Variants in GRAMD4 observed in about 807,000 individuals in gnomAD.
GRAMD4 encodes the protein GRAM domain containing 4.
A neutral mutation model predicts 83.9 loss-of-function variants in GRAMD4; 25 were observed. That is an observed-to-expected ratio of 0.30 (90% CI 0.22 to 0.42). The LOEUF (loss-of-function observed/expected upper bound fraction) is 0.42. Among genes scored for constraint, GRAMD4 ranks in the 10% least tolerant of loss-of-function variants. GRAMD4 has a pLI of 1.00. For missense variants in GRAMD4, 593 were observed against 788.7 expected, an observed-to-expected ratio of 0.75 and a Z score of 2.97; for synonymous variants, 336 against 320.9, an observed-to-expected ratio of 1.05 and a Z score of -0.50.
In GRAMD4 at chr22:46,621,448, C is replaced by A. The variant is rs1464956641; in HGVS notation, c.-50+883C>A. Among the ~76,000 whole-genome samples, 1 of 152,174 alleles carries A rather than the reference C, an allele frequency of 6.6e-6. No homozygotes were observed. Among genetic ancestry groups the A allele is most frequent in the Non-Finnish European group, 1.5e-5 (1 of 68,022 alleles). On this transcript the variant is annotated intron_variant, in intron 1 of 18. Transcript: ENST00000406902. This position sits in a 1 kb window ranked among gnomAD's most constrained non-coding sequence, Gnocchi z 5.8. Reference sequence around the variant, plus strand: ...GGGCTGCCCATGTGGCCGTGGAGGGCACCCCTACCCCGGTGCAGGCGCAGG... The same window carrying A: ...GGGCTGCCCATGTGGCCGTGGAGGGAACCCCTACCCCGGTGCAGGCGCAGG...
rs2082374925 is a variant in GRAMD4 at position 46,664,257 on chromosome 22, C to T, written c.717+140C>T. The T allele has an allele frequency of 7.3e-6, 5 of 686,066 alleles. No individual in the cohort carries two copies. In the East Asian group the frequency reaches 1.0e-4, roughly 14 times the overall value. 42.5% of individuals were successfully genotyped at this position (686,066 alleles called of 1,614,324 possible). On this transcript the variant is annotated intron_variant, in intron 8 of 18. Coordinates refer to ENST00000406902, the MANE Select transcript of GRAMD4 (RefSeq NM_015124.5). Reference sequence around the variant, plus strand: ...GGCCCCAGGGACATGCTCATTTCTCCTTCTGTAAAGTGGGCTCACTGATGC... The same window carrying T: ...GGCCCCAGGGACATGCTCATTTCTCTTTCTGTAAAGTGGGCTCACTGATGC...
intron 3 of GRAMD4, among the ~76,000 whole-genome samples, chr22:46,643,052 C>CATCCATCT (rs2081997901): frequency 6.2e-4 from 2 of 3,206 alleles, no homozygotes; most frequent in South Asian, 0.011. Flanking sequence ...TCCGTCCATC[C>CATCCATCT]ACCCACCTAC....
At chr22:46,647,930 T>C (rs2147272684) in intron 3 of GRAMD4, among the ~76,000 whole-genome samples, 1 of 152,374 alleles carries the variant, frequency 6.6e-6, no homozygotes, top group Non-Finnish European at 1.5e-5. Context: ...GAGACCCTTA[T>C]TTGTCATATT....
intron 1 of GRAMD4, among the ~76,000 whole-genome samples, chr22:46,580,702 C>T (rs369227930): frequency 2.0e-5 from 3 of 152,166 alleles, no homozygotes; most frequent in African/African-American, 4.8e-5. Flanking sequence ...CGCTGGCTCA[C>T]GCCTGTAATC....
At chr22:46,596,500 T>C (rs1447428241) in intron 1 of GRAMD4, among the ~76,000 whole-genome samples, 1 of 152,224 alleles carries the variant, frequency 6.6e-6, no homozygotes, top group East Asian at 1.9e-4. Context: ...GTTGAACCAG[T>C]TGATAGAATC....
upstream of GRAMD4, among the ~76,000 whole-genome samples, chr22:46,615,525 CTGTG>C (rs1444210557): frequency 7.0e-6 from 1 of 143,756 alleles, no homozygotes; most frequent in African/African-American, 2.6e-5. Flanking sequence ...GCAGGTTCCC[CTGTG>C]TGTGTAGGTT....
chr22:46,622,225 G>C lies in GRAMD4; in HGVS notation c.-50+1660G>C, dbSNP rs1457785437. Among the ~76,000 whole-genome samples, 2 of 152,160 alleles carry C rather than the reference G, an allele frequency of 1.3e-5. No individual in the cohort carries two copies. The highest frequency in any genetic ancestry group is 2.1e-4 in the South Asian group (1 of 4,836). On this transcript the variant is annotated intron_variant, in intron 1 of 18. Coordinates refer to ENST00000406902, the MANE Select transcript of GRAMD4 (RefSeq NM_015124.5). The surrounding 1 kb of genome is among the most constrained non-coding windows in gnomAD (Gnocchi z 4.0). ...CTCCCAGACAAGGGGGCTGTCCTCT[G>C]CCCAGAGCCCTGCAGGCAGCCAAGA...
At chr22:46,634,507 G>A (rs1408019154) in intron 2 of GRAMD4, among the ~76,000 whole-genome samples, 2 of 152,240 alleles carry the variant, frequency 1.3e-5, no homozygotes, top group Non-Finnish European at 2.9e-5. Flanking sequence ...GGGAGAAGGA[G>A]CAAAGGCAGG....
At chr22:46,620,368 C>T (rs2081555962), upstream of GRAMD4, 1 of 985,410 alleles carries the variant, frequency 1.0e-6, no homozygotes, top group Admixed American at 6.2e-5. The surrounding 1 kb of genome is among the most constrained non-coding windows in gnomAD (Gnocchi z 4.7). Flanking sequence ...GTGGTGAGCC[C>T]TGCTGCCCTG....
chr22:46,595,420 C>T (rs2081252267), intron 1 of GRAMD4, among the ~76,000 whole-genome samples: 1 of 152,256 alleles, frequency 6.6e-6, no homozygotes, highest in African/African-American at 2.4e-5. Flanking sequence ...CCAAGGGACT[C>T]TCATCCTGCA....
rs139559422 is a variant in GRAMD4 at position 46,646,798 on chromosome 22, C to T, written c.283+8838C>T. On this transcript the variant is annotated intron_variant, in intron 3 of 18. Transcript: ENST00000406902. ...CTGATAAAGACATACCTGAGACTGG[C>T]GCTTTACAAACAAAAGCGGTTTAAT... Among the ~76,000 whole-genome samples, 194 of 152,286 alleles carry T rather than the reference C, an allele frequency of 1.3e-3. 1 individual carries two copies. Among genetic ancestry groups the T allele is most frequent in the African/African-American group, 4.3e-3 (180 of 41,550 alleles).
At chr22:46,634,857 C>T (rs796198068) in intron 2 of GRAMD4, among the ~76,000 whole-genome samples, 2 of 151,646 alleles carry the variant, frequency 1.3e-5, no homozygotes, top group Non-Finnish European at 2.9e-5. Flanking sequence ...GCAGGAGAAT[C>T]GCTTGAACCT....
chr22:46,580,238 G>T (rs897727388), intron 1 of GRAMD4, among the ~76,000 whole-genome samples: 1 of 152,258 alleles, frequency 6.6e-6, no homozygotes, highest in Non-Finnish European at 1.5e-5. Flanking sequence ...AGCGTCTCTT[G>T]CCTGGCTTGG....
intron 6 of GRAMD4, among the ~76,000 whole-genome samples, 180 bp downstream of exon 6, chr22:46,663,352 G>A (rs987064618): frequency 1.3e-5 from 2 of 152,234 alleles, no homozygotes; most frequent in South Asian, 2.1e-4. Context: ...AGGGGCTTGC[G>A]AGGCCCGCTT....
intron 5 of GRAMD4, among the ~76,000 whole-genome samples, chr22:46,662,721 C>A (rs1304001275): frequency 6.6e-6 from 1 of 152,134 alleles, no homozygotes; most frequent in Non-Finnish European, 1.5e-5. Flanking sequence ...GACAGGCTGC[C>A]CGCTGACGAG....
At chr22:46,638,023 G>T (rs545558987) in intron 3 of GRAMD4, 63 bp downstream of exon 3, 2 of 1,560,414 alleles carry the variant, frequency 1.3e-6, no homozygotes, top group African/African-American at 2.7e-5. Context: ...CTGAGATGGG[G>T]GATGTCGTCT....
chr22:46,616,837 T>C (rs1409177582), upstream of GRAMD4, among the ~76,000 whole-genome samples: 1 of 52,642 alleles, frequency 1.9e-5, no homozygotes. Context: ...TACGTTCCCC[T>C]GTGTGTACGT....
rs542701202 is a variant in GRAMD4, at chr22:46,663,996, G to T, written c.626-30G>T. On this transcript the variant is annotated intron_variant, in intron 7 of 18. Coordinates refer to ENST00000406902, the MANE Select transcript of GRAMD4 (RefSeq NM_015124.5). ...GGTTAAGCGGCCTCCTACCCACAGT[G>T]CTGACCACTGTGGTCTGCTCTGTCC... is the stretch of plus-strand genomic sequence containing the variant. The T allele has an allele frequency of 5.0e-5, 80 of 1,594,266 alleles. 2 individuals carry two copies. In the South Asian group the frequency reaches 6.3e-4, roughly 13 times the overall value.
chr22:46,679,034 G>A lies in GRAMD4; in HGVS notation c.*1783G>A, dbSNP rs1196818512. 3 of 985,582 alleles carry A rather than the reference G, an allele frequency of 3.0e-6. No homozygotes were observed. Among genetic ancestry groups the A allele is most frequent in the African/African-American group, 3.5e-5 (2 of 57,230 alleles). 61.1% of individuals were successfully genotyped at this position (985,582 alleles called of 1,614,324 possible). On this transcript the variant is annotated 3_prime_UTR_variant, in exon 19 of 19. Coordinates refer to ENST00000406902, the MANE Select transcript of GRAMD4 (RefSeq NM_015124.5). ...CTCTCTTGGTGCACCAGGGGAGGGGGACATATCCCAGTGAACCCCACCTTG... is the reference window on the plus strand; with the variant it reads ...CTCTCTTGGTGCACCAGGGGAGGGGAACATATCCCAGTGAACCCCACCTTG...
Sources: allele counts gnomAD v4.1 joint callset (sites outside exome capture counted in the v4.1 genomes callset), GRCh38; gene constraint gnomAD v4.1.1; non-coding constraint Gnocchi (gnomAD v3.1); transcripts MANE v1.5; gene names NCBI Gene and HGNC (gene_info 2026-07-23, HGNC 2026-07-21).